The following CPED1 variants were observed in gnomAD, a reference collection of about 807,000 sequenced individuals.
CPED1 encodes the protein cadherin-like and PC-esterase domain-containing protein 1.
A neutral mutation model predicts 128.2 loss-of-function variants in CPED1; 114 were observed. The observed-to-expected ratio is 0.89, with a 90% CI of 0.76 to 1.04. The LOEUF is 1.04. Among genes scored for constraint, CPED1 ranks in the 50% least tolerant of loss-of-function variants. The pLI is 0.00. For synonymous variants in CPED1, 462 were observed against 426.7 expected (o/e 1.08, Z -1.02); for missense variants, 1,211 against 1,207.1 (o/e 1.00, Z -0.05).
chr7:121,209,692 A>T (rs1355174689), intron 16 of CPED1, among the ~76,000 whole-genome samples: 1 of 152,010 alleles, frequency 6.6e-6, no homozygotes. Flanking sequence ...CATTGGTCTG[A>T]GCAAAGATTT....
intron 5 of CPED1, among the ~76,000 whole-genome samples, chr7:121,085,817 T>A (rs1351955898): frequency 6.6e-6 from 1 of 152,206 alleles, no homozygotes; most frequent in Non-Finnish European, 1.5e-5. Flanking sequence ...AAAAAATAGA[T>A]GTATTTTCTA....
At chr7:121,239,012 G>T (rs1798324963) in intron 17 of CPED1, among the ~76,000 whole-genome samples, 1 of 152,066 alleles carries the variant, frequency 6.6e-6, no homozygotes, top group Admixed American at 6.6e-5. Context: ...GCTCCAAAAG[G>T]CCCAAAGACT....
intron 6 of CPED1, among the ~76,000 whole-genome samples, chr7:121,098,194 A>G (rs1192455609): frequency 6.6e-6 from 1 of 151,676 alleles, no homozygotes; most frequent in Non-Finnish European, 1.5e-5. Flanking sequence ...TTTTTCTGCT[A>G]TTTTTTTTAT....
chr7:121,255,694 A>G (rs1458873170), intron 18 of CPED1, among the ~76,000 whole-genome samples: 2 of 152,110 alleles, frequency 1.3e-5, no homozygotes, highest in Non-Finnish European at 2.9e-5. Context: ...TAGAACTAAT[A>G]AACAATTTTA....
intron 3 of CPED1, among the ~76,000 whole-genome samples, chr7:121,029,949 TTA>T (rs2116855733): frequency 6.6e-6 from 1 of 152,260 alleles, no homozygotes; most frequent in African/African-American, 2.4e-5. Context: ...AAAAGACAAT[TTA>T]TGTTTTAGAG....
chr7:121,180,786 A>G (rs781005910), intron 16 of CPED1, among the ~76,000 whole-genome samples: 18 of 152,012 alleles, frequency 1.2e-4, no homozygotes, highest in Non-Finnish European at 1.9e-4. Context: ...CTCACCTCCA[A>G]TACTTCCAGC....
intron 5 of CPED1, among the ~76,000 whole-genome samples, chr7:121,066,146 T>C (rs1793826252): frequency 6.6e-6 from 1 of 152,096 alleles, no homozygotes; most frequent in Non-Finnish European, 1.5e-5. Context: ...ATTATAAAGG[T>C]GTAATAGTAA....
chr7:121,017,159 C>A (rs1022462412), intron 3 of CPED1, among the ~76,000 whole-genome samples: 1 of 152,264 alleles, frequency 6.6e-6, no homozygotes, highest in African/African-American at 2.4e-5. Context: ...TCTTAAAATA[C>A]GCAGAGCCTG....
chr7:121,117,554 C>G (rs978046746), intron 7 of CPED1, among the ~76,000 whole-genome samples: 2 of 151,644 alleles, frequency 1.3e-5, no homozygotes, highest in African/African-American at 4.8e-5. Flanking sequence ...AATCACCTTC[C>G]TTTTCCAAGG....
intron 4 of CPED1, chr7:121,051,473 G>C (rs1391465670): frequency 1.4e-5 from 7 of 490,830 alleles, no homozygotes; most frequent in Non-Finnish European, 2.6e-5. Context: ...TGACTGTCTC[G>C]GGTGTCAGCT....
intron 7 of CPED1, among the ~76,000 whole-genome samples, chr7:121,117,824 C>G (rs1795289534): frequency 6.6e-6 from 1 of 151,980 alleles, no homozygotes; most frequent in South Asian, 2.1e-4. Context: ...TTGTTCTTTC[C>G]CATTCTTTTT....
At chr7:121,183,155 G>A (rs1029655785) in intron 16 of CPED1, among the ~76,000 whole-genome samples, 1 of 152,082 alleles carries the variant, frequency 6.6e-6, no homozygotes, top group Non-Finnish European at 1.5e-5. Context: ...AACTCTTTGA[G>A]CCTAGAAATC....
intron 16 of CPED1, among the ~76,000 whole-genome samples, chr7:121,208,874 TAACA>T (rs1285672940): frequency 6.6e-6 from 1 of 152,054 alleles, no homozygotes; most frequent in African/African-American, 2.4e-5. Flanking sequence ...ATTGATCTAC[TAACA>T]TAGTTCACAG....
intron 2 of CPED1, among the ~76,000 whole-genome samples, chr7:120,995,113 A>G (rs1010604117): frequency 3.9e-5 from 6 of 152,180 alleles, no homozygotes; most frequent in African/African-American, 1.4e-4. Context: ...TCTACCTAAT[A>G]TGATATGCTC....
At chr7:121,125,696 T>G in intron 8 of CPED1, 124 bp from the exon 9 acceptor site, 1 of 675,966 alleles carries the variant, frequency 1.5e-6, no homozygotes, top group Non-Finnish European at 2.6e-6. Context: ...CACATTTTCT[T>G]TATCCAGTCT....
intron 4 of CPED1, chr7:121,050,864 G>A (rs757634210): frequency 2.5e-5 from 12 of 473,364 alleles, no homozygotes; most frequent in Admixed American, 4.7e-5. Flanking sequence ...CTCTCGGTAC[G>A]ATGAGGCCTG....
chr7:121,264,627 C>A (rs1033209023), intron 18 of CPED1, among the ~76,000 whole-genome samples: 1 of 151,986 alleles, frequency 6.6e-6, no homozygotes, highest in Non-Finnish European at 1.5e-5. Context: ...TAAACCTTTG[C>A]AGATTCTCGC....
intron 16 of CPED1, among the ~76,000 whole-genome samples, chr7:121,219,072 A>G (rs904744136): frequency 1.3e-5 from 2 of 152,064 alleles, no homozygotes; most frequent in Non-Finnish European, 2.9e-5. Flanking sequence ...ATCCAACACT[A>G]TATTTCTTTG....
At chr7:121,087,682 G>GTTTTTTTT (rs1794466437) in intron 5 of CPED1, among the ~76,000 whole-genome samples, 1 of 111,580 alleles carries the variant, frequency 9.0e-6, no homozygotes, top group Admixed American at 9.3e-5. Flanking sequence ...TTTTTTTTTG[G>GTTTTTTTT]CAGAGTCTTT....
Sources: allele counts gnomAD v4.1 joint callset (sites outside exome capture counted in the v4.1 genomes callset), GRCh38; gene constraint gnomAD v4.1.1; transcripts MANE v1.5; gene names NCBI Gene and HGNC (gene_info 2026-07-23, HGNC 2026-07-21).